Variants in WARS2 observed in about 807,000 individuals in gnomAD.
The protein encoded by WARS2 is tryptophan--tRNA ligase, mitochondrial.
WARS2 carries 28 observed loss-of-function variants against 36.5 expected under a neutral mutation model. The ratio of observed to expected loss-of-function variants is 0.77; its 90% CI spans 0.57 to 1.05. The LOEUF is 1.05. Among genes scored for constraint, WARS2 ranks in the 50% least tolerant of loss-of-function variants. The pLI, the probability that WARS2 is intolerant of heterozygous loss-of-function variation, is 0.00. For synonymous variants in WARS2, 174 were observed against 178.4 expected, an observed-to-expected ratio of 0.98 and a Z score of 0.20; for missense variants, 435 against 456.8, an observed-to-expected ratio of 0.95 and a Z score of 0.44.
At chr1:119,063,411 T>G (rs2101227463) in intron 2 of WARS2, 1 of 152,248 alleles carries the variant, frequency 6.6e-6, no homozygotes, top group Middle Eastern at 3.4e-3. Context: ...AAACCAATTT[T>G]CTGGGGAGAA....
At chr1:119,080,872 C>G (rs1040676802) in intron 1 of WARS2, among the ~76,000 whole-genome samples, 2 of 152,200 alleles carry the variant, frequency 1.3e-5, no homozygotes, top group Non-Finnish European at 2.9e-5. Flanking sequence ...CAGCTTCTAG[C>G]CTAGCCCACA....
rs1328262653 is a variant in WARS2 at position 119,032,963 on chromosome 1, TCTTTGG to T, written c.1025_1030del (p.Ala342_Lys343del). 6.2e-7 allele frequency: 1 copy of T among 1,614,224 alleles called. No homozygotes were observed. Among genetic ancestry groups the T allele is most frequent in the Admixed American group, 1.7e-5 (1 of 60,022 alleles). On this transcript the variant is annotated inframe_deletion, in exon 6 of 6. Coordinates refer to ENST00000235521, the MANE Select transcript of WARS2 (RefSeq NM_015836.4). ...CTCCTGGCACACAGTGTATGCTAAT[TCTTTGG>T]CTTTTGCTGATCCAATTTGTAAAAC...
chr1:119,042,355 A>G lies in WARS2; in HGVS notation c.430-6T>C. The G allele has an allele frequency of 6.2e-7, 1 of 1,613,080 alleles. No individual in the cohort carries two copies. Among genetic ancestry groups the G allele is most frequent in the East Asian group, 2.2e-5 (1 of 44,842 alleles). On this transcript the variant is annotated splice_polypyrimidine_tract_variant and splice_region_variant and intron_variant, in intron 3 of 5. Coordinates refer to ENST00000235521, the MANE Select transcript of WARS2 (RefSeq NM_015836.4). ...TTCTGCTTGGTAGTCTTTGCCTGTG[A>G]GAGGTGAAAAGAGAGGAGGGGAAGA... is the stretch of plus-strand genomic sequence containing the variant.
At chr1:119,137,167 T>C (rs1017535867) in intron 1 of WARS2, among the ~76,000 whole-genome samples, 1 of 152,190 alleles carries the variant, frequency 6.6e-6, no homozygotes, top group Non-Finnish European at 1.5e-5. Context: ...TGTACCAATA[T>C]TAATTTCTTG....
At chr1:119,061,077 A>T (rs2361273) in intron 2 of WARS2, among the ~76,000 whole-genome samples, 49,455 of 151,950 alleles carry the variant, frequency 0.33, 9,482 homozygotes, top group African/African-American at 0.54. Flanking sequence ...ACAGATTTTT[A>T]TTTAAAGATA....
At chr1:119,129,721 T>C (rs1571403286) in intron 1 of WARS2, among the ~76,000 whole-genome samples, 2 of 117,164 alleles carry the variant, frequency 1.7e-5, no homozygotes, top group Admixed American at 2.1e-4. Context: ...TCTCAAAAAA[T>C]AAAAATAAAA....
intron 1 of WARS2, among the ~76,000 whole-genome samples, chr1:119,131,351 T>C (rs1316405155): frequency 2.0e-5 from 3 of 151,728 alleles, no homozygotes; most frequent in East Asian, 1.9e-4. Context: ...TAAAAGGGAG[T>C]AGCTCCGAGG....
At position 119,032,426 on chromosome 1, in the gene WARS2, A is replaced by C. The variant is rs1020750714; in HGVS notation, c.*485T>G. The C allele has an allele frequency of 6.5e-6, 1 of 154,050 alleles. No homozygotes were observed. The highest frequency in any genetic ancestry group is 2.4e-5 in the African/African-American group (1 of 41,486). 9.5% of individuals were successfully genotyped at this position (154,050 alleles called of 1,614,324 possible). ...GCACCGTCTCAGTGACAAACAAACT[A>C]TAAGAATGGACTTGTTTTTATGAGC... is the stretch of plus-strand genomic sequence containing the variant. On this transcript the variant is annotated 3_prime_UTR_variant, in exon 6 of 6. Coordinates refer to ENST00000235521, the MANE Select transcript of WARS2 (RefSeq NM_015836.4).
chr1:119,049,202 G>T (rs1447371092), intron 2 of WARS2, among the ~76,000 whole-genome samples: 1 of 152,214 alleles, frequency 6.6e-6, no homozygotes, highest in Non-Finnish European at 1.5e-5. Flanking sequence ...CACACCAGCG[G>T]GCCACTGACG....
At chr1:119,139,154 A>G (rs1207062080) in intron 1 of WARS2, among the ~76,000 whole-genome samples, 1 of 152,218 alleles carries the variant, frequency 6.6e-6, no homozygotes, top group Non-Finnish European at 1.5e-5. Flanking sequence ...TGCAGAATCA[A>G]ACCCTCAAAT....
At chr1:119,089,736 A>G (rs1652910065) in intron 1 of WARS2, among the ~76,000 whole-genome samples, 1 of 152,220 alleles carries the variant, frequency 6.6e-6, no homozygotes, top group Admixed American at 6.5e-5. Flanking sequence ...GTTCCCCCTG[A>G]TCATTTAATT....
intron 1 of WARS2, chr1:119,126,652 G>A: frequency 1.4e-6 from 1 of 715,006 alleles, no homozygotes; most frequent in Non-Finnish European, 2.6e-6. Context: ...AGCTCCATAA[G>A]TTTTCCCAAT....
At chr1:119,121,422 G>C in intron 1 of WARS2, among the ~76,000 whole-genome samples, 1 of 152,110 alleles carries the variant, frequency 6.6e-6, no homozygotes, top group East Asian at 1.9e-4. Context: ...CACATCCCAT[G>C]TTCATGAATG....
intron 2 of WARS2, among the ~76,000 whole-genome samples, chr1:119,072,202 C>G (rs1177511502): frequency 6.6e-6 from 1 of 152,096 alleles, no homozygotes; most frequent in Non-Finnish European, 1.5e-5. Flanking sequence ...ATGAGGAGGA[C>G]CTTTCCATCA....
At position 119,113,526 on chromosome 1, in the gene WARS2, ATT is replaced by A. The variant is rs1056666595; in HGVS notation, c.90+27027_90+27028del. Among the ~76,000 whole-genome samples the A allele has an allele frequency of 6.6e-5, 10 of 152,032 alleles. 1 individual carries two copies. Among genetic ancestry groups the A allele is most frequent in the Non-Finnish European group, 2.9e-5 (2 of 67,998 alleles). On this transcript the variant is annotated intron_variant, in intron 1 of 5. Transcript: ENST00000235521. ...GGGTCTAGACAGATATTGGCAGTAAATTTTTTTTAAGGTTAAAAAGTAAAAGA... is the reference window on the plus strand; with the variant it reads ...GGGTCTAGACAGATATTGGCAGTAAATTTTTTAAGGTTAAAAAGTAAAAGA...
chr1:119,032,869 A>C lies in WARS2; in HGVS notation c.*42T>G. 1.3e-6 allele frequency: 2 copies of C among 1,538,052 alleles called. No homozygotes were observed. Among genetic ancestry groups the C allele is most frequent in the Non-Finnish European group, 1.8e-6 (2 of 1,133,668 alleles). On this transcript the variant is annotated 3_prime_UTR_variant, in exon 6 of 6. Coordinates refer to ENST00000235521, the MANE Select transcript of WARS2 (RefSeq NM_015836.4). ...AAGCTGCCGTTATCAGAATGCATGG[A>C]GTGCAAGGCACAAAAGCCTTGCTGT...
chr1:119,057,978 C>G lies in WARS2; in HGVS notation c.349-12316G>C, dbSNP rs1042441821. Among the ~76,000 whole-genome samples, 4 of 152,194 alleles carry G rather than the reference C, an allele frequency of 2.6e-5. No homozygotes were observed. The East Asian group carries it at 7.7e-4, about 29-fold the overall frequency. On this transcript the variant is annotated intron_variant, in intron 2 of 5. Coordinates refer to ENST00000235521, the MANE Select transcript of WARS2 (RefSeq NM_015836.4). ...TATCTTTTGATGAAATCAAATGTATCAATAGTTTCTCTTATATTAAGTGAT... is the reference window on the plus strand; with the variant it reads ...TATCTTTTGATGAAATCAAATGTATGAATAGTTTCTCTTATATTAAGTGAT...
intron 2 of WARS2, among the ~76,000 whole-genome samples, chr1:119,060,917 C>T (rs114260370): frequency 0.014 from 2,093 of 152,202 alleles, 27 homozygotes; most frequent in Middle Eastern, 0.054. Flanking sequence ...TATGTATTAA[C>T]TCTACCCAAG....
rs747352902 is a variant in WARS2 at position 119,033,182 on chromosome 1, C to T, written c.812G>A (p.Gly271Asp). 8 of 1,614,236 alleles carry T rather than the reference C, an allele frequency of 5.0e-6. No homozygotes were observed. The South Asian group carries it at 8.8e-5, about 18-fold the overall frequency. ...EVTYDPAGRA[G>D]VSNIVAVHAA... is the part of the protein sequence containing the mutation. ...ATGCACCGCCACTATGTTGGACACG[C>T]CAGCGCGGCCAGCCGGGTCATAGGT... Residue 271 changes from glycine to aspartate, a missense_variant, in exon 6 of 6, where the codon GGC becomes GAC. Gly to Asp is a moderately conservative substitution (Grantham distance 94, BLOSUM62 -1). Coordinates refer to ENST00000235521, the MANE Select transcript of WARS2 (RefSeq NM_015836.4).
Sources: gnomAD v4.1 joint callset for allele counts (sites outside exome capture counted in the v4.1 genomes callset) on GRCh38, gnomAD v4.1.1 for gene constraint, MANE v1.5 for transcripts, NCBI Gene and HGNC (gene_info 2026-07-23, HGNC 2026-07-21) for gene names.